The following LRSAM1 variants were observed in gnomAD, a reference collection of about 807,000 sequenced individuals.
LRSAM1 encodes the protein E3 ubiquitin-protein ligase LRSAM1.
LRSAM1 carries 96 observed loss-of-function variants against 118.1 expected under a neutral mutation model. The ratio of observed to expected loss-of-function variants is 0.81; its 90% CI spans 0.69 to 0.96. The LOEUF is 0.96. Among genes scored for constraint, LRSAM1 ranks in the 40% least tolerant of loss-of-function variants. LRSAM1 has a pLI of 0.00. For missense variants in LRSAM1, 804 were observed against 915.5 expected (o/e 0.88, Z 1.57); for synonymous variants, 322 against 364.2 (o/e 0.88, Z 1.32).
At chr9:127,457,555 G>A in intron 6 of LRSAM1, 162 bp downstream of exon 6, 1 of 725,360 alleles carries the variant, frequency 1.4e-6, no homozygotes, top group Non-Finnish European at 2.4e-6. Flanking sequence ...TCTGTGGGCT[G>A]TGTGTGGGTT....
intron 14 of LRSAM1, among the ~76,000 whole-genome samples, 190 bp downstream of exon 14, chr9:127,480,168 C>A (rs1835486813): frequency 6.6e-6 from 1 of 152,220 alleles, no homozygotes; most frequent in Non-Finnish European, 1.5e-5. Context: ...ATTACAAAGT[C>A]TGGTTTCTTA....
chr9:127,480,521 C>G (rs1835499639), intron 14 of LRSAM1, among the ~76,000 whole-genome samples: 1 of 152,190 alleles, frequency 6.6e-6, no homozygotes, highest in African/African-American at 2.4e-5. Flanking sequence ...ACTTCCAGGC[C>G]TCTTTTTTCT....
chr9:127,461,221 G>A lies in LRSAM1; in HGVS notation c.370G>A (p.Gly124Arg), dbSNP rs1834730026. Reference protein sequence around the residue: ...NQLMQLPRSIGNLTQLQTLNV... With the variant: ...NQLMQLPRSIRNLTQLQTLNV... ...ACTGATGCAGCTCCCACGTTCCATT[G>A]GGAACCTGACCCAGCTCCAGACTCT... The change falls in exon 8 of 26, where the codon GGG becomes AGG. Residue 124 changes from glycine to arginine, a missense_variant. By Grantham distance (125) the Gly-to-Arg change is moderately radical. Coordinates refer to ENST00000300417, the MANE Select transcript of LRSAM1 (RefSeq NM_001005373.4). 2 of 1,612,302 alleles carry A rather than the reference G, an allele frequency of 1.2e-6. No homozygotes were observed. The highest frequency in any genetic ancestry group is 2.7e-5 in the African/African-American group (2 of 75,014).
intron 7 of LRSAM1, 148 bp downstream of exon 7, chr9:127,459,219 T>TTG: frequency 2.1e-6 from 1 of 485,790 alleles, no homozygotes; most frequent in East Asian, 4.9e-5. Context: ...CCTTTGGGGT[T>TTG]TTTTTTTTTT....
rs1835432510 is a variant in LRSAM1, at chr9:127,478,957, G to T, written c.774G>T (p.Lys258Asn). Residue 258 changes from lysine (K) to asparagine (N), a missense_variant, in exon 12 of 26, where the codon AAG becomes AAT. Transcript: ENST00000300417. ...AGAACAGGTTCTCAGACTATGAGAA[G>T]AGGAAGGTAAGAAAATGCCTTTACC... ...EWQNRFSDYE[K>N]RKEQKMLEKL... 6.2e-7 allele frequency: 1 copy of T among 1,613,806 alleles called. No individual in the cohort carries two copies. The highest frequency in any genetic ancestry group is 8.5e-7 in the Non-Finnish European group (1 of 1,179,782).
intron 19 of LRSAM1, among the ~76,000 whole-genome samples, chr9:127,490,489 G>A (rs1835895812): frequency 6.6e-6 from 1 of 151,996 alleles, no homozygotes; most frequent in African/African-American, 2.4e-5. Context: ...ACACCCTGGA[G>A]AGCCTGTGAG....
Position 127,489,476 on chromosome 9 carries a change from C to A in LRSAM1, c.1380C>A (p.Leu460=). Residue 460 remains leucine, a synonymous_variant, in exon 19 of 26, where the codon CTC becomes CTA. Coordinates refer to ENST00000300417, the MANE Select transcript of LRSAM1 (RefSeq NM_001005373.4). ...SAMQKAAFEA[L]QVKKDLMHRQ... Reference sequence around the variant, plus strand: ...TGCAGAAGGCTGCGTTCGAGGCACTCCAGGTGAAGAAAGACCTGATGCATC... The same window carrying A: ...TGCAGAAGGCTGCGTTCGAGGCACTACAGGTGAAGAAAGACCTGATGCATC... The A allele has an allele frequency of 6.2e-7, 1 of 1,610,356 alleles. No homozygotes were observed.
intron 13 of LRSAM1, 25 bp from the exon 14 acceptor site, chr9:127,479,814 T>TCCCC (rs1835467079): frequency 6.2e-7 from 1 of 1,609,594 alleles, no homozygotes; most frequent in Admixed American, 1.7e-5. Context: ...TCCCAGGGGC[T>TCCCC]CAGGACCCCT....
At chr9:127,483,355 GA>G (rs2132074131) in intron 16 of LRSAM1, among the ~76,000 whole-genome samples, 1 of 152,194 alleles carries the variant, frequency 6.6e-6, no homozygotes, top group African/African-American at 2.4e-5. Flanking sequence ...GCCGAGGCTG[GA>G]GGATCACATG....
rs1272472621 is a variant in LRSAM1 at position 127,473,678 on chromosome 9, A to G, written c.620-123A>G. On this transcript the variant is annotated intron_variant, in intron 10 of 25. Transcript: ENST00000300417. ...GTGAAAAACACGAAGCGCCCAGGCT[A>G]GGGAAGAGGAGAGCAGTGGCTGAGT... is the stretch of plus-strand genomic sequence containing the variant. The G allele has an allele frequency of 2.9e-6, 4 of 1,356,062 alleles. No homozygotes were observed. In the East Asian group the frequency reaches 6.9e-5, roughly 23 times the overall value. 84.0% of individuals were successfully genotyped at this position (1,356,062 alleles called of 1,614,324 possible).
chr9:127,472,941 G>A (rs982866217), intron 10 of LRSAM1, among the ~76,000 whole-genome samples: 1 of 152,094 alleles, frequency 6.6e-6, no homozygotes, highest in African/African-American at 2.4e-5. Context: ...GAGAGGGCAC[G>A]AGCGCCCTAG....
At chr9:127,464,395 A>T (rs1834857292) in intron 9 of LRSAM1, among the ~76,000 whole-genome samples, 1 of 109,742 alleles carries the variant, frequency 9.1e-6, no homozygotes, top group Non-Finnish European at 1.8e-5. Flanking sequence ...GCCACTGGCC[A>T]CGTGTATCTA....
intron 4 of LRSAM1, 51 bp downstream of exon 4, chr9:127,455,105 G>A (rs779388263): frequency 1.3e-6 from 2 of 1,578,000 alleles, no homozygotes; most frequent in South Asian, 2.2e-5. Flanking sequence ...CCGTTTTCTT[G>A]GATCTTGTGT....
In LRSAM1 at chr9:127,479,449, C is replaced by T. The variant is rs1224692210; in HGVS notation, c.847C>T (p.Gln283Ter). 1.2e-6 allele frequency: 2 copies of T among 1,614,004 alleles called. No homozygotes were observed. Among genetic ancestry groups the T allele is most frequent in the East Asian group, 2.2e-5 (1 of 44,894 alleles). ...GGAACTGGGGCAGCGGGAGCACACC[C>T]AGCTCCTTCAGCAGAGCAGCAGCCA... ...RLELGQREHT[Q>*]LLQQSSSQKD... Residue 283 changes from glutamine (Q) to a stop codon, truncating the protein, a stop_gained, in exon 13 of 26, where the codon CAG becomes TAG. Transcript: ENST00000300417. LOFTEE classifies it high-confidence loss of function.
At chr9:127,467,162 C>T (rs1480117446) in intron 9 of LRSAM1, among the ~76,000 whole-genome samples, 1 of 151,968 alleles carries the variant, frequency 6.6e-6, no homozygotes, top group Non-Finnish European at 1.5e-5. Context: ...TGTTTTTATA[C>T]TGTGGTCTAA....
chr9:127,502,959 C>T lies in LRSAM1; in HGVS notation c.*60C>T, dbSNP rs961986967. 5.5e-5 allele frequency: 86 copies of T among 1,550,094 alleles called. No homozygotes were observed. The Admixed American group carries it at 1.6e-3, about 29-fold the overall frequency. ...TGCCTCGGCCACTGTGAGCCCCGGG[C>T]TCCTGCTCAGCCTTGTGCCAGCCAG... On this transcript the variant is annotated 3_prime_UTR_variant, in exon 26 of 26. Coordinates refer to ENST00000300417, the MANE Select transcript of LRSAM1 (RefSeq NM_001005373.4).
At chr9:127,456,016 T>G (rs1272169103) in intron 5 of LRSAM1, among the ~76,000 whole-genome samples, 2 of 152,050 alleles carry the variant, frequency 1.3e-5, no homozygotes, top group Non-Finnish European at 2.9e-5. Context: ...TGAACCCCGG[T>G]GTTAGTAATA....
At chr9:127,469,197 C>A (rs188444069) in intron 10 of LRSAM1, among the ~76,000 whole-genome samples, 1 of 151,904 alleles carries the variant, frequency 6.6e-6, no homozygotes, top group East Asian at 2.0e-4. Flanking sequence ...AATATCCACA[C>A]GGTGGCTCAC....
intron 2 of LRSAM1, 42 bp from the exon 3 acceptor site, chr9:127,454,454 G>A: frequency 2.0e-6 from 3 of 1,519,652 alleles, no homozygotes; most frequent in Non-Finnish European, 2.7e-6. Flanking sequence ...GTTGGGGGCT[G>A]TGACAAATTC....
Sources: gnomAD v4.1 joint callset for allele counts (sites outside exome capture counted in the v4.1 genomes callset) on GRCh38, gnomAD v4.1.1 for gene constraint, MANE v1.5 for transcripts, NCBI Gene and HGNC (gene_info 2026-07-23, HGNC 2026-07-21) for gene names.